VPS13D: variants seen among roughly 807,000 people sequenced by gnomAD.
VPS13D encodes the protein vacuolar protein sorting 13 homolog D.
In VPS13D, 187 loss-of-function variants were observed where a neutral mutation model predicts 461.9. The observed-to-expected ratio is 0.40, with a 90% CI of 0.36 to 0.46. The LOEUF is 0.46. Ranked by LOEUF, VPS13D falls within the 20% of genes least tolerant of loss-of-function variation. The pLI is 0.60. For synonymous variants in VPS13D, 1,951 were observed against 1,986.3 expected, an observed-to-expected ratio of 0.98 and a Z score of 0.47; for missense variants, 4,711 against 5,364.9, an observed-to-expected ratio of 0.88 and a Z score of 3.81.
chr1:12,256,951 A>G (rs759903293), intron 8 of VPS13D, 36 bp from the exon 9 acceptor site: 6 of 1,605,166 alleles, frequency 3.7e-6, no homozygotes, highest in East Asian at 2.2e-5. Context: ...AAACAAACCT[A>G]TTCTAACCTA....
chr1:12,469,002 C>G (rs1017356437), intron 67 of VPS13D, among the ~76,000 whole-genome samples: 29 of 151,592 alleles, frequency 1.9e-4, no homozygotes, highest in African/African-American at 6.8e-4. Flanking sequence ...CCACTGCACT[C>G]CAGCCTGGGT....
chr1:12,403,678 C>T (rs181783105), intron 62 of VPS13D, 147 bp from the exon 63 acceptor site: 12 of 697,392 alleles, frequency 1.7e-5, no homozygotes, highest in Admixed American at 1.0e-4. Flanking sequence ...ATACTATACA[C>T]GTCACTGTAC....
intron 44 of VPS13D, among the ~76,000 whole-genome samples, chr1:12,348,143 G>A (rs1296931760): frequency 1.3e-5 from 2 of 152,148 alleles, no homozygotes; most frequent in African/African-American, 4.8e-5. Flanking sequence ...TCCTATGAAA[G>A]GCACACCAAT....
chr1:12,498,039 T>G (rs1277645933), intron 68 of VPS13D, among the ~76,000 whole-genome samples: 1 of 152,260 alleles, frequency 6.6e-6, no homozygotes, highest in East Asian at 1.9e-4. Flanking sequence ...CAACTAATAG[T>G]TGGACATTTT....
chr1:12,342,324 C>T (rs1053439997), intron 41 of VPS13D, among the ~76,000 whole-genome samples: 8 of 152,234 alleles, frequency 5.3e-5, no homozygotes, highest in Non-Finnish European at 8.8e-5. Flanking sequence ...AAACGCACTT[C>T]AACCCAGATG....
intron 65 of VPS13D, among the ~76,000 whole-genome samples, chr1:12,454,660 G>GGTTT (rs1645303091): frequency 6.6e-6 from 1 of 152,186 alleles, no homozygotes; most frequent in African/African-American, 2.4e-5. Flanking sequence ...TCATGACTGA[G>GGTTT]GTTTCCAGGG....
At chr1:12,481,154 A>G (rs1645710552) in intron 67 of VPS13D, among the ~76,000 whole-genome samples, 1 of 152,116 alleles carries the variant, frequency 6.6e-6, no homozygotes, top group Non-Finnish European at 1.5e-5. Context: ...TTGCCTCTGC[A>G]TTGGCCGACT....
At position 12,258,022 on chromosome 1, in the gene VPS13D, G is replaced by A. The variant is rs145431020; in HGVS notation, c.1029G>A (p.Leu343=). 5,146 of 1,614,206 alleles carry A rather than the reference G, an allele frequency of 3.2e-3. 19 individuals carry two copies. Among genetic ancestry groups the A allele is most frequent in the South Asian group, 6.7e-3 (613 of 91,086 alleles). The change falls in exon 10 of 70, where the codon TTG becomes TTA. Residue 343 remains leucine, a synonymous_variant. Coordinates refer to ENST00000620676, the MANE Select transcript of VPS13D (RefSeq NM_015378.4). ...AACGTTGCACCTGGGACTTTATGTTGCACCGCGCTCGTGATGCTGTATCTT... is the reference window on the plus strand; with the variant it reads ...AACGTTGCACCTGGGACTTTATGTTACACCGCGCTCGTGATGCTGTATCTT... ...QRKRCTWDFM[L]HRARDAVSYT...
chr1:12,500,341 C>A, intron 68 of VPS13D: 1 of 621,592 alleles, frequency 1.6e-6, no homozygotes, highest in Non-Finnish European at 2.0e-6. Context: ...GAAACAGGAT[C>A]TGGATTAAGA....
rs374262916 is a variant in VPS13D at position 12,335,730 on chromosome 1, G to A, written c.8454G>A (p.Ser2818=). The change falls in exon 39 of 70, where the codon TCG becomes TCA. Residue 2818 remains serine, a synonymous_variant. Transcript: ENST00000620676. The stretch of plus-strand genomic sequence containing the variant: ...ACCAGTATGTAAGTACCAAGGAATC[G>A]TGGATGGCAGATTACTGTAAAGATG... ...LIDQYVSTKE[S]WMADYCKDDK... 26 of 1,613,922 alleles carry A rather than the reference G, an allele frequency of 1.6e-5. 1 individual carries two copies. The highest frequency in any genetic ancestry group is 2.2e-5 in the East Asian group (1 of 44,880).
rs148464101 is a variant in VPS13D at position 12,369,688 on chromosome 1, A to G, written c.10794A>G (p.Thr3598=). 18 of 1,613,902 alleles carry G rather than the reference A, an allele frequency of 1.1e-5. No homozygotes were observed. The African/African-American group carries it at 1.9e-4, about 17-fold the overall frequency. ...AAAATTTCATTTACATTGCTGCTAC[A>G]TATACATTCTCTGGGTAATTCTTGA... ...YYENFIYIAA[T]YTFSGLQEGT... is the part of the protein sequence containing the mutation. The change falls in exon 54 of 70, where the codon ACA becomes ACG. Residue 3598 remains threonine, a synonymous_variant. Coordinates refer to ENST00000620676, the MANE Select transcript of VPS13D (RefSeq NM_015378.4).
intron 67 of VPS13D, among the ~76,000 whole-genome samples, chr1:12,491,203 T>A (rs1234368741): frequency 6.6e-6 from 1 of 152,172 alleles, no homozygotes; most frequent in Non-Finnish European, 1.5e-5. Flanking sequence ...GCACAACCCA[T>A]CACACAACCC....
At position 12,455,991 on chromosome 1, in the gene VPS13D, C is replaced by T. The variant is rs1190695940; in HGVS notation, c.12334-7C>T. On this transcript the variant is annotated splice_region_variant and splice_polypyrimidine_tract_variant and intron_variant, in intron 65 of 69. Transcript: ENST00000620676. ...AAAACTCTTCTCCTGCTTTTAACTCCTTCTAGTTTGCTGGAACATTATCAG... is the reference window on the plus strand; with the variant it reads ...AAAACTCTTCTCCTGCTTTTAACTCTTTCTAGTTTGCTGGAACATTATCAG... 3.1e-6 allele frequency: 5 copies of T among 1,600,492 alleles called. No individual in the cohort carries two copies. The African/African-American group carries it at 6.7e-5, about 22-fold the overall frequency.
intron 67 of VPS13D, among the ~76,000 whole-genome samples, chr1:12,465,728 G>A (rs990095574): frequency 2.2e-4 from 33 of 152,274 alleles, no homozygotes; most frequent in Middle Eastern, 3.4e-3. Context: ...CTTAAGGAAA[G>A]GCCCCTTTTG....
intron 26 of VPS13D, among the ~76,000 whole-genome samples, chr1:12,307,824 T>TA (rs1477592918): frequency 6.6e-6 from 1 of 152,156 alleles, no homozygotes; most frequent in Non-Finnish European, 1.5e-5. Context: ...CCGTAGCCAG[T>TA]AAGTGTATAA....
Position 12,277,875 on chromosome 1 carries a change from T to TA in VPS13D, c.4290dup (p.Leu1431ThrfsTer12). ...GTCTGCAGGTGGAAATCAAGGACAT[T>TA]AAACTGTATTCTTTGAATTGCACCC... On this transcript the variant is annotated frameshift_variant, in exon 19 of 70. Transcript: ENST00000620676. LOFTEE classifies it high-confidence loss of function. The TA allele has an allele frequency of 6.2e-7, 1 of 1,614,172 alleles. No homozygotes were observed.
chr1:12,389,209 G>T (rs753641966), intron 60 of VPS13D, among the ~76,000 whole-genome samples: 8 of 152,122 alleles, frequency 5.3e-5, no homozygotes, highest in South Asian at 4.1e-4. Flanking sequence ...TGATTAGATT[G>T]CACCCACCAG....
rs140033174 is a variant in VPS13D at position 12,345,458 on chromosome 1, C to T, written c.8970C>T (p.Val2990=). The T allele has an allele frequency of 4.0e-5, 65 of 1,613,620 alleles. No homozygotes were observed. Among genetic ancestry groups the T allele is most frequent in the Non-Finnish European group, 5.1e-5 (60 of 1,179,718 alleles). The stretch of plus-strand genomic sequence containing the variant: ...TGAGCCCAGTGTCTGTGGACAAAGT[C>T]GGGACCTTTTTTCGATATGCAGCAC... The part of the protein sequence containing the change: ...EQVSPVSVDK[V]GTFFRYAAPD... Residue 2990 remains valine, a synonymous_variant, in exon 43 of 70, where the codon GTC becomes GTT. Transcript: ENST00000620676.
chr1:12,463,328 G>A lies in VPS13D; in HGVS notation c.12662+2932G>A, dbSNP rs1325790966. On this transcript the variant is annotated intron_variant, in intron 67 of 69. Coordinates refer to ENST00000620676, the MANE Select transcript of VPS13D (RefSeq NM_015378.4). ...GGTATATGTTTGGATCAGTGGATCA[G>A]TGTCCTTTATTGTGCAGAAAAAGCT... Among the ~76,000 whole-genome samples, 6 of 152,354 alleles carry A rather than the reference G, an allele frequency of 3.9e-5. No individual in the cohort carries two copies. In the East Asian group the frequency reaches 1.2e-3, roughly 29 times the overall value.
Sources: gnomAD v4.1 joint callset for allele counts (sites outside exome capture counted in the v4.1 genomes callset) on GRCh38, gnomAD v4.1.1 for gene constraint, MANE v1.5 for transcripts, NCBI Gene and HGNC (gene_info 2026-07-23, HGNC 2026-07-21) for gene names.